RORA: variants seen among roughly 807,000 people sequenced by gnomAD.
The protein encoded by RORA is RAR related orphan receptor A, also known as nuclear receptor ROR-alpha.
A neutral mutation model predicts 69.5 loss-of-function variants in RORA; 7 were observed. That is an observed-to-expected ratio of 0.10 (90% CI 0.06 to 0.19). The LOEUF (loss-of-function observed/expected upper bound fraction) is 0.19, where lower values mean the gene tolerates loss of function less well. Among genes scored for constraint, RORA ranks in the 10% least tolerant of loss-of-function variants. The pLI, the probability that RORA is intolerant of heterozygous loss-of-function variation, is 1.00. For missense variants in RORA, 457 were observed against 663.0 expected, an observed-to-expected ratio of 0.69 and a Z score of 3.41; for synonymous variants, 261 against 240.8, an observed-to-expected ratio of 1.08 and a Z score of -0.78.
chr15:60,513,973 G>C (rs1009352859), intron 4 of RORA, among the ~76,000 whole-genome samples: 2 of 152,202 alleles, frequency 1.3e-5, no homozygotes, highest in Non-Finnish European at 1.5e-5. Context: ...TTGAAATCTG[G>C]TGTTGATTAT....
At chr15:60,519,993 G>C (rs150610919) in intron 3 of RORA, 1 of 152,124 alleles carries the variant, frequency 6.6e-6, no homozygotes, top group Admixed American at 6.5e-5. Context: ...CCAATGTCCA[G>C]CTTCCACACT....
intron 2 of RORA, chr15:60,546,476 A>C (rs1466539668): frequency 1.3e-5 from 2 of 152,188 alleles, no homozygotes; most frequent in African/African-American, 2.4e-5. Context: ...GGTAAGCCAA[A>C]ACAGTTCCCA....
intron 1 of RORA, among the ~76,000 whole-genome samples, chr15:61,076,214 C>T (rs1056733115): frequency 6.6e-5 from 10 of 152,108 alleles, no homozygotes; most frequent in Non-Finnish European, 1.2e-4. Flanking sequence ...CCAGAGTTGC[C>T]GAGGGTAGGG....
chr15:60,699,073 G>A (rs778778356), intron 1 of RORA, among the ~76,000 whole-genome samples: 9 of 151,578 alleles, frequency 5.9e-5, no homozygotes, highest in Non-Finnish European at 1.2e-4. Flanking sequence ...TTTGTTTCTT[G>A]TATATGTAAA....
chr15:60,548,565 A>G lies in RORA; in HGVS notation c.197-16714T>C, dbSNP rs1205389136. Among the ~76,000 whole-genome samples, 10 of 152,372 alleles carry G rather than the reference A, an allele frequency of 6.6e-5. No individual in the cohort carries two copies. In the East Asian group the frequency reaches 1.7e-3, roughly 26 times the overall value. ...ATTTTCTGAGAAATACTGTAAGGCA[A>G]TGATGAAACCCTCAAGTGCTGGGAG... is the stretch of plus-strand genomic sequence containing the variant. On this transcript the variant is annotated intron_variant, in intron 2 of 10. Transcript: ENST00000335670.
chr15:60,835,839 G>A (rs915562547), intron 1 of RORA, among the ~76,000 whole-genome samples: 3 of 152,170 alleles, frequency 2.0e-5, no homozygotes, highest in African/African-American at 7.2e-5. Context: ...CAACTCTAAA[G>A]CCAGAAAATA....
intron 1 of RORA, among the ~76,000 whole-genome samples, chr15:60,937,148 C>T (rs561321980): frequency 1.3e-5 from 2 of 152,164 alleles, no homozygotes; most frequent in African/African-American, 2.4e-5. Flanking sequence ...AGGCATACAG[C>T]TGGCAAGTGG....
intron 1 of RORA, among the ~76,000 whole-genome samples, chr15:60,967,182 T>G (rs1033596475): frequency 6.6e-6 from 1 of 152,216 alleles, no homozygotes; most frequent in Non-Finnish European, 1.5e-5. Context: ...TACTTAAATA[T>G]TTTTTGTAGA....
chr15:60,507,391 T>C (rs963273131), intron 5 of RORA, among the ~76,000 whole-genome samples: 2 of 152,184 alleles, frequency 1.3e-5, no homozygotes, highest in Non-Finnish European at 2.9e-5. Flanking sequence ...CAGAGCAGGT[T>C]CACCTAAATG....
intron 1 of RORA, among the ~76,000 whole-genome samples, chr15:60,787,726 G>A (rs1416323124): frequency 1.3e-5 from 2 of 152,168 alleles, no homozygotes; most frequent in East Asian, 1.9e-4. Flanking sequence ...CTGCCTTTTG[G>A]CAAGCCTATC....
chr15:60,785,165 TTGTC>T (rs1361451670), intron 1 of RORA, among the ~76,000 whole-genome samples: 2 of 152,232 alleles, frequency 1.3e-5, no homozygotes, highest in Admixed American at 6.5e-5. Flanking sequence ...TGATTTTTCT[TTGTC>T]TGTGAACATA....
At chr15:60,688,629 G>C (rs1259440984) in intron 1 of RORA, among the ~76,000 whole-genome samples, 1 of 152,260 alleles carries the variant, frequency 6.6e-6, no homozygotes, top group East Asian at 1.9e-4. Context: ...TAGCATAGCT[G>C]GCTACTTTCA....
intron 1 of RORA, among the ~76,000 whole-genome samples, chr15:60,966,637 T>G (rs533498565): frequency 2.2e-4 from 34 of 152,314 alleles, no homozygotes; most frequent in African/African-American, 8.2e-4. Flanking sequence ...TTCCAGAGAC[T>G]GGCCTTCTTT....
chr15:60,523,729 T>G (rs905449704), intron 3 of RORA, among the ~76,000 whole-genome samples: 1 of 152,202 alleles, frequency 6.6e-6, no homozygotes, highest in Non-Finnish European at 1.5e-5. Flanking sequence ...TGGAGTGCAA[T>G]GGAGTGACCA....
chr15:60,655,238 T>C lies in RORA; in HGVS notation c.196+23419A>G, dbSNP rs112134265. ...GTCGCCCTCATGGAAACTTTTCTGA[T>C]TTAAAAAATTCTCTCTTTCTTAGGA... On this transcript the variant is annotated intron_variant, in intron 2 of 10. Coordinates refer to ENST00000335670, the MANE Select transcript of RORA (RefSeq NM_134261.3). Among the ~76,000 whole-genome samples, 744 of 152,218 alleles carry C rather than the reference T, an allele frequency of 4.9e-3. 3 individuals carry two copies. Among genetic ancestry groups the C allele is most frequent in the African/African-American group, 0.017 (702 of 41,548 alleles).
intron 2 of RORA, chr15:60,627,542 G>A (rs200264494): frequency 1.9e-5 from 26 of 1,392,308 alleles, no homozygotes; most frequent in Non-Finnish European, 2.1e-5. Flanking sequence ...GCTGCCATGG[G>A]CAGTGGAATC....
intron 1 of RORA, among the ~76,000 whole-genome samples, chr15:60,869,083 G>C (rs546364244): frequency 7.2e-4 from 109 of 152,122 alleles, no homozygotes; most frequent in African/African-American, 2.5e-3. Flanking sequence ...TTTTGATGGT[G>C]GTATCCTTCA....
intron 1 of RORA, among the ~76,000 whole-genome samples, chr15:61,038,571 A>G (rs1896581203): frequency 1.3e-5 from 2 of 152,244 alleles, no homozygotes; most frequent in Admixed American, 6.5e-5. Context: ...CTTCTGTGGC[A>G]TGGTCAGATG....
rs1277678908 is a variant in RORA, at chr15:60,523,603, TC to T, written c.282+8162del. Among the ~76,000 whole-genome samples, 8 of 152,260 alleles carry T rather than the reference TC, an allele frequency of 5.3e-5. No homozygotes were observed. The East Asian group carries it at 1.5e-3, about 29-fold the overall frequency. ...CTCTCCATCACGTTGTTTCAATGCTTCCCCCTGACTTTGGATAGGCATTCAC... is the reference window on the plus strand; with the variant it reads ...CTCTCCATCACGTTGTTTCAATGCTTCCCCTGACTTTGGATAGGCATTCAC... On this transcript the variant is annotated intron_variant, in intron 3 of 10. Coordinates refer to ENST00000335670, the MANE Select transcript of RORA (RefSeq NM_134261.3).
Sources: allele counts gnomAD v4.1 joint callset (sites outside exome capture counted in the v4.1 genomes callset), GRCh38; gene constraint gnomAD v4.1.1; transcripts MANE v1.5; gene names NCBI Gene and HGNC (gene_info 2026-07-23, HGNC 2026-07-21).